Variants in BEND7 observed in about 807,000 individuals in gnomAD.
BEND7 encodes BEN domain-containing protein 7.
A neutral mutation model predicts 50.9 loss-of-function variants in BEND7; 28 were observed. The ratio of observed to expected loss-of-function variants is 0.55; its 90% CI spans 0.41 to 0.75. The LOEUF is 0.75. Among genes scored for constraint, BEND7 ranks in the 30% least tolerant of loss-of-function variants. BEND7 has a pLI of 0.00. For missense variants in BEND7, 477 were observed against 491.3 expected, an observed-to-expected ratio of 0.97 and a Z score of 0.28; for synonymous variants, 170 against 183.9, an observed-to-expected ratio of 0.92 and a Z score of 0.61.
At chr10:13,468,280 A>T (rs1220318110) in intron 6 of BEND7, among the ~76,000 whole-genome samples, 1 of 152,170 alleles carries the variant, frequency 6.6e-6, no homozygotes, top group Non-Finnish European at 1.5e-5. Flanking sequence ...CTCATGGTAC[A>T]GGGGATGAGA....
At chr10:13,480,020 T>C (rs1036051898) in intron 6 of BEND7, among the ~76,000 whole-genome samples, 1 of 152,220 alleles carries the variant, frequency 6.6e-6, no homozygotes, top group African/African-American at 2.4e-5. Context: ...GGAACTGAGC[T>C]AGGAAGCACA....
At chr10:13,455,641 G>T (rs1838789742) in intron 6 of BEND7, among the ~76,000 whole-genome samples, 1 of 152,156 alleles carries the variant, frequency 6.6e-6, no homozygotes, top group African/African-American at 2.4e-5. Context: ...GACGGTCAAA[G>T]GCATCACCCT....
At chr10:13,499,715 A>T (rs1333329425) in intron 3 of BEND7, 63 bp downstream of exon 3, 1 of 1,292,568 alleles carries the variant, frequency 7.7e-7, no homozygotes, top group Non-Finnish European at 1.0e-6. Context: ...CACACTGAAT[A>T]TTTAGAAATA....
At chr10:13,456,651 C>T (rs78832123) in intron 6 of BEND7, among the ~76,000 whole-genome samples, 3,150 of 152,246 alleles carry the variant, frequency 0.021, 42 homozygotes, top group Non-Finnish European at 0.032. Context: ...CCTGGGGCTG[C>T]GCATGCTTTG....
chr10:13,521,483 G>A (rs1469545368), intron 2 of BEND7, among the ~76,000 whole-genome samples: 2 of 152,214 alleles, frequency 1.3e-5, no homozygotes, highest in Non-Finnish European at 2.9e-5. Flanking sequence ...CTGGTCATCT[G>A]TCCCATTCAT....
intron 7 of BEND7, among the ~76,000 whole-genome samples, chr10:13,447,780 T>C (rs1216785411): frequency 6.6e-6 from 1 of 152,182 alleles, no homozygotes; most frequent in Non-Finnish European, 1.5e-5. Context: ...CCTGACCTCA[T>C]GATATTAAAA....
intron 2 of BEND7, among the ~76,000 whole-genome samples, chr10:13,521,449 C>T (rs907253865): frequency 6.6e-6 from 1 of 152,188 alleles, no homozygotes; most frequent in Non-Finnish European, 1.5e-5. Context: ...TTACTGGCCA[C>T]GTACCTAACC....
intron 5 of BEND7, among the ~76,000 whole-genome samples, chr10:13,484,980 C>T (rs936059983): frequency 2.0e-5 from 3 of 152,150 alleles, no homozygotes; most frequent in Non-Finnish European, 2.9e-5. Flanking sequence ...TGGACTTTCA[C>T]GAATTTGTTT....
intron 6 of BEND7, among the ~76,000 whole-genome samples, chr10:13,465,508 G>C (rs955579818): frequency 6.6e-6 from 1 of 152,126 alleles, no homozygotes; most frequent in Non-Finnish European, 1.5e-5. Context: ...TACTCTATGG[G>C]GCTGTTATTT....
chr10:13,465,347 G>A (rs2074125668), intron 6 of BEND7, among the ~76,000 whole-genome samples: 1 of 152,162 alleles, frequency 6.6e-6, no homozygotes, highest in Non-Finnish European at 1.5e-5. Context: ...TGCAGACAAG[G>A]TATTTACTGA....
At chr10:13,449,514 C>A (rs975248091) in intron 7 of BEND7, among the ~76,000 whole-genome samples, 2 of 152,082 alleles carry the variant, frequency 1.3e-5, no homozygotes, top group African/African-American at 4.8e-5. Context: ...ACATGAGTCG[C>A]GTTAATGTCT....
chr10:13,481,415 CAGGGAG>C (rs2075848915), intron 5 of BEND7, among the ~76,000 whole-genome samples: 1 of 152,098 alleles, frequency 6.6e-6, no homozygotes, highest in Non-Finnish European at 1.5e-5. Context: ...CTAGAGCTAA[CAGGGAG>C]TTGAGACTTC....
intron 5 of BEND7, 125 bp downstream of exon 5, chr10:13,492,486 C>T: frequency 8.0e-7 from 1 of 1,245,234 alleles, no homozygotes; most frequent in Non-Finnish European, 1.1e-6. Context: ...TACCAGTCTT[C>T]TTTTCTTCTT....
At chr10:13,491,504 T>G (rs1237382414) in intron 5 of BEND7, among the ~76,000 whole-genome samples, 1 of 151,852 alleles carries the variant, frequency 6.6e-6, no homozygotes, top group African/African-American at 2.4e-5. Context: ...ATTAATGATG[T>G]TTTAAAATTA....
At chr10:13,529,359 C>G (rs1256104423), upstream of BEND7, among the ~76,000 whole-genome samples, 1 of 152,014 alleles carries the variant, frequency 6.6e-6, no homozygotes, top group Non-Finnish European at 1.5e-5. Flanking sequence ...AACCACCTCC[C>G]CGCCCTCACA....
At chr10:13,514,108 C>T (rs923394741) in intron 2 of BEND7, among the ~76,000 whole-genome samples, 5 of 151,500 alleles carry the variant, frequency 3.3e-5, no homozygotes, top group African/African-American at 4.9e-5. Flanking sequence ...TCTCAAGGGC[C>T]GTATTCCTTA....
chr10:13,518,044 C>G (rs528451662), intron 2 of BEND7, among the ~76,000 whole-genome samples: 1 of 152,308 alleles, frequency 6.6e-6, no homozygotes, highest in Admixed American at 6.5e-5. Flanking sequence ...ATATGATTTT[C>G]CTCAGAAAAC....
intron 7 of BEND7, among the ~76,000 whole-genome samples, chr10:13,452,275 G>C (rs1052378360): frequency 6.6e-6 from 1 of 152,156 alleles, no homozygotes; most frequent in Non-Finnish European, 1.5e-5. Flanking sequence ...ATATATGACA[G>C]CATTAGACCA....
chr10:13,443,790 CAAAA>C (rs953357117), intron 8 of BEND7: 1 of 151,598 alleles, frequency 6.6e-6, no homozygotes, highest in African/African-American at 2.4e-5. Flanking sequence ...AGGTAAAAAT[CAAAA>C]AAACATGTAG....
Sources: allele counts gnomAD v4.1 joint callset (sites outside exome capture counted in the v4.1 genomes callset), GRCh38; gene constraint gnomAD v4.1.1; transcripts MANE v1.5; gene names NCBI Gene and HGNC (gene_info 2026-07-23, HGNC 2026-07-21).